DHRS2: variants seen among roughly 807,000 people sequenced by gnomAD.
The protein encoded by DHRS2 is dehydrogenase/reductase 2, also known as dehydrogenase/reductase SDR family member 2, mitochondrial.
In DHRS2, 29 loss-of-function variants were observed where a neutral mutation model predicts 26.3. The observed-to-expected ratio is 1.10, with a 90% CI of 0.82 to 1.50. The LOEUF is 1.50. Ranked by LOEUF, DHRS2 falls within the 40% of genes most tolerant of loss-of-function variation. DHRS2 has a pLI of 0.00. For synonymous variants in DHRS2, 164 were observed against 151.3 expected, an observed-to-expected ratio of 1.08 and a Z score of -0.62; for missense variants, 439 against 367.1, an observed-to-expected ratio of 1.20 and a Z score of -1.60.
chr14:23,637,228 A>C (rs780879816), intron 1 of DHRS2, among the ~76,000 whole-genome samples: 3 of 151,748 alleles, frequency 2.0e-5, no homozygotes, highest in Non-Finnish European at 4.4e-5. Context: ...CTAAAAAACC[A>C]CTCCCTGTCT....
chr14:23,630,825 T>TA (rs1890098845), intron 1 of DHRS2, among the ~76,000 whole-genome samples: 1 of 152,208 alleles, frequency 6.6e-6, no homozygotes, highest in East Asian at 1.9e-4. Context: ...CAGGTAGATT[T>TA]AAAGATTTTC....
chr14:23,643,037 T>C lies in DHRS2; in HGVS notation c.421-115T>C. ...TCAGAAGGGGGATTGGTTTCTCTTA[T>C]ATGCACATACATTGGGTCTACTGCA... On this transcript the variant is annotated intron_variant, in intron 4 of 8. Coordinates refer to ENST00000250383, the MANE Select transcript of DHRS2 (RefSeq NM_005794.4). The C allele has an allele frequency of 2.1e-6, 2 of 973,950 alleles. 1 individual carries two copies. The highest frequency in any genetic ancestry group is 3.7e-5 in the Admixed American group (2 of 53,574). The allele number at this position is 973,950 out of a possible 1,614,324, so 60.3% of individuals were successfully genotyped here. A position where few individuals can be genotyped will look rare whatever the true frequency, so the allele number is the denominator to read the frequency against.
Position 23,644,396 on chromosome 14 carries a change from A to C in DHRS2, c.541-13A>C. The C allele has an allele frequency of 1.9e-6, 3 of 1,613,930 alleles. No homozygotes were observed. Among genetic ancestry groups the C allele is most frequent in the Non-Finnish European group, 1.7e-6 (2 of 1,179,984 alleles). On this transcript the variant is annotated splice_polypyrimidine_tract_variant and intron_variant, in intron 6 of 8. Transcript: ENST00000250383. ...CTCCCATATCCTAATCACTCTGTCA[A>C]TTCCCTTCCCAGGCGCTGGGTGTCT... is the stretch of plus-strand genomic sequence containing the variant.
Position 23,639,787 on chromosome 14 carries a change from T to G in DHRS2, c.319-7T>G. The G allele has an allele frequency of 1.3e-6, 2 of 1,599,700 alleles. No homozygotes were observed. The highest frequency in any genetic ancestry group is 1.7e-6 in the Non-Finnish European group (2 of 1,172,860). ...ATCTCCACACTCATCCAATCTCCTC[T>G]CCGCAGGCCCTGGAGCACTGTGGGG... is the stretch of plus-strand genomic sequence containing the variant. On this transcript the variant is annotated splice_polypyrimidine_tract_variant and splice_region_variant and intron_variant, in intron 3 of 8. Transcript: ENST00000250383.
Position 23,638,898 on chromosome 14 carries a change from T to C in DHRS2, c.34T>C (p.Trp12Arg), listed in dbSNP as rs1890484410. The C allele has an allele frequency of 1.2e-6, 2 of 1,614,204 alleles. No individual in the cohort carries two copies. The highest frequency in any genetic ancestry group is 1.7e-6 in the Non-Finnish European group (2 of 1,180,034). Residue 12 changes from tryptophan (W) to arginine (R), a missense_variant, in exon 2 of 9, where the codon TGG (tryptophan) becomes CGG (arginine). Coordinates refer to ENST00000250383, the MANE Select transcript of DHRS2 (RefSeq NM_005794.4). Reference protein sequence around the residue: ...LSAVARGYQGWFHPCARLSVR... With the variant: ...LSAVARGYQGRFHPCARLSVR... The stretch of plus-strand genomic sequence containing the variant: ...AGCAGTTGCCCGGGGCTACCAGGGC[T>C]GGTTTCATCCCTGTGCTAGGCTTTC...
intron 1 of DHRS2, among the ~76,000 whole-genome samples, chr14:23,637,197 T>C (rs954892033): frequency 6.6e-6 from 1 of 152,156 alleles, no homozygotes; most frequent in Non-Finnish European, 1.5e-5. Flanking sequence ...TCTCCTCTCT[T>C]CTCCTAGGCT....
intron 4 of DHRS2, chr14:23,641,844 G>A: frequency 9.6e-6 from 12 of 1,250,742 alleles, no homozygotes; most frequent in Non-Finnish European, 1.2e-5. Context: ...AAAAAACAGT[G>A]AACAGTCCTG....
Position 23,645,240 on chromosome 14 carries a change from C to T in DHRS2, c.830C>T (p.Ser277Phe). ...GAGAACATTGCGGTGGCAGGCTACT[C>T]CACTCGGCTCTGAGAGGAGTGGGGG... ...NGENIAVAGY[S>F]TRL Residue 277 changes from serine to phenylalanine, a missense_variant, in exon 9 of 9, where the codon TCC becomes TTC. By Grantham distance (155) the Ser-to-Phe change is radical (BLOSUM62 -2). Coordinates refer to ENST00000250383, the MANE Select transcript of DHRS2 (RefSeq NM_005794.4). 3 of 1,614,180 alleles carry T rather than the reference C, an allele frequency of 1.9e-6. No homozygotes were observed. The highest frequency in any genetic ancestry group is 2.5e-6 in the Non-Finnish European group (3 of 1,180,034).
intron 2 of DHRS2, 63 bp downstream of exon 2, chr14:23,639,067 C>T (rs1890499917): frequency 3.8e-6 from 6 of 1,597,422 alleles, no homozygotes; most frequent in Non-Finnish European, 4.3e-6. Context: ...TCCACAAGGA[C>T]TCAGGGTTTT....
At chr14:23,630,520 C>T (rs1890092127) in intron 1 of DHRS2, among the ~76,000 whole-genome samples, 11 of 152,216 alleles carry the variant, frequency 7.2e-5, no homozygotes, top group Admixed American at 5.9e-4. Flanking sequence ...AAGAGGGGAA[C>T]AGACTTGTCC....
Position 23,645,467 on chromosome 14 carries a change from G to A in DHRS2, c.*214G>A, listed in dbSNP as rs1259774461. The A allele has an allele frequency of 3.1e-6, 3 of 970,630 alleles. No homozygotes were observed. Among genetic ancestry groups the A allele is most frequent in the Non-Finnish European group, 4.4e-6 (3 of 676,734 alleles). 60.1% of individuals were successfully genotyped at this position (970,630 alleles called of 1,614,324 possible). A position where few individuals can be genotyped will look rare whatever the true frequency, so the allele number is the denominator to read the frequency against. ...GATTTGGCTGATCCAATTAACATGT[G>A]GGGTTCTTGGTGTGGGTCTGGGGAG... On this transcript the variant is annotated 3_prime_UTR_variant, in exon 9 of 9. Transcript: ENST00000250383.
chr14:23,637,057 C>G (rs914815704), intron 1 of DHRS2, among the ~76,000 whole-genome samples: 2 of 152,196 alleles, frequency 1.3e-5, no homozygotes, highest in African/African-American at 2.4e-5. Flanking sequence ...GTCCCCACAA[C>G]AAGTTGGTTG....
chr14:23,640,104 A>G (rs1045858458), intron 4 of DHRS2: 1 of 707,962 alleles, frequency 1.4e-6, no homozygotes, highest in Non-Finnish European at 2.0e-6. Context: ...TGGCCCCCAC[A>G]CTTTCTGCTT....
intron 5 of DHRS2, 54 bp downstream of exon 5, chr14:23,643,273 C>G (rs1027248260): frequency 2.0e-6 from 3 of 1,526,108 alleles, no homozygotes; most frequent in Admixed American, 1.7e-5. Context: ...GAGGTGGGCA[C>G]AGAAATACAG....
intron 4 of DHRS2, chr14:23,640,874 A>G (rs979222382): frequency 6.6e-6 from 1 of 152,240 alleles, no homozygotes; most frequent in South Asian, 2.1e-4. Context: ...CCAAAGGATC[A>G]TTTGTGATTT....
chr14:23,638,642 A>G (rs1890465774), intron 1 of DHRS2, 185 bp from the exon 2 acceptor site: 1 of 531,646 alleles, frequency 1.9e-6, no homozygotes, highest in African/African-American at 1.9e-5. Flanking sequence ...CCAGTTTTAT[A>G]GCTTAGGAGT....
chr14:23,642,889 G>T (rs1200438958), intron 4 of DHRS2: 3 of 361,154 alleles, frequency 8.3e-6, no homozygotes, highest in Admixed American at 8.5e-5. Flanking sequence ...TAAAAGGCCT[G>T]AACATTTCCT....
At chr14:23,631,863 A>G (rs1306880714), upstream of DHRS2, among the ~76,000 whole-genome samples, 1 of 152,198 alleles carries the variant, frequency 6.6e-6, no homozygotes, top group Non-Finnish European at 1.5e-5. Flanking sequence ...CCATCCTCCC[A>G]GGCAAAAGAG....
At chr14:23,639,458 C>A in intron 3 of DHRS2, 102 bp downstream of exon 3, 1 of 1,407,882 alleles carries the variant, frequency 7.1e-7, no homozygotes, top group Non-Finnish European at 9.3e-7. Flanking sequence ...GTCCTGAGAC[C>A]ATGACTGCAC....
Sources: gnomAD v4.1 joint callset for allele counts (sites outside exome capture counted in the v4.1 genomes callset) on GRCh38, gnomAD v4.1.1 for gene constraint, MANE v1.5 for transcripts, NCBI Gene and HGNC (gene_info 2026-07-23, HGNC 2026-07-21) for gene names.